TAB2: variants seen among roughly 807,000 people sequenced by gnomAD.
TAB2 encodes TGF-beta activated kinase 1 (MAP3K7) binding protein 2.
In TAB2, 3 loss-of-function variants were observed where a neutral mutation model predicts 65.0. That is an observed-to-expected ratio of 0.05 (90% CI 0.02 to 0.12). The LOEUF (loss-of-function observed/expected upper bound fraction) is 0.12, where lower values mean the gene tolerates loss of function less well. Ranked by LOEUF, TAB2 falls within the 10% of genes least tolerant of loss-of-function variation. The probability of loss-of-function intolerance (pLI) is 1.00; values close to 1 mark genes in which losing one functional copy is unlikely to be tolerated. For missense variants in TAB2, 623 were observed against 840.3 expected (o/e 0.74, Z 3.20); for synonymous variants, 298 against 285.1 (o/e 1.05, Z -0.46).
At chr6:149,290,002 A>C (rs1778747675) in intron 1 of TAB2, among the ~76,000 whole-genome samples, 1 of 152,200 alleles carries the variant, frequency 6.6e-6, no homozygotes, top group South Asian at 2.1e-4. Context: ...GGTCATGATA[A>C]GGGGTTGTGG....
chr6:149,344,549 A>C (rs1270720086), intron 1 of TAB2, among the ~76,000 whole-genome samples: 2 of 152,194 alleles, frequency 1.3e-5, no homozygotes, highest in Non-Finnish European at 2.9e-5. Flanking sequence ...TCCAGTGTGC[A>C]TAGAGAATAG....
chr6:149,263,737 C>CA (rs1452581820), intron 1 of TAB2, among the ~76,000 whole-genome samples: 1 of 152,224 alleles, frequency 6.6e-6, no homozygotes, highest in East Asian at 1.9e-4. Context: ...GAGCCAGGCA[C>CA]ACAATTTCCC....
intron 6 of TAB2, among the ~76,000 whole-genome samples, chr6:149,407,209 A>G (rs879286176): frequency 1.3e-5 from 2 of 152,262 alleles, no homozygotes; most frequent in Non-Finnish European, 2.9e-5. Context: ...TAGAGATGAC[A>G]GCGGTATAAG....
chr6:149,293,772 TAATACAA>T (rs750506597), intron 1 of TAB2, among the ~76,000 whole-genome samples: 6 of 152,214 alleles, frequency 3.9e-5, no homozygotes, highest in Non-Finnish European at 8.8e-5. Context: ...ACTTCACAGA[TAATACAA>T]CCTCATTTAC....
At chr6:149,379,807 T>C in intron 3 of TAB2, 2 of 442,108 alleles carry the variant, frequency 4.5e-6, no homozygotes, top group South Asian at 3.4e-5. Flanking sequence ...TCAGTTAATC[T>C]TATACCTGTG....
intron 1 of TAB2, among the ~76,000 whole-genome samples, chr6:149,304,792 A>G (rs895293620): frequency 2.4e-4 from 36 of 152,152 alleles, no homozygotes; most frequent in African/African-American, 8.4e-4. Flanking sequence ...GTATCCTGGG[A>G]GGATTGGTTC....
At chr6:149,328,296 T>C (rs946295682) in intron 1 of TAB2, among the ~76,000 whole-genome samples, 1 of 152,170 alleles carries the variant, frequency 6.6e-6, no homozygotes, top group Non-Finnish European at 1.5e-5. Flanking sequence ...ATCTCTACAT[T>C]CTGTTTGTTT....
At chr6:149,366,866 C>T (rs187449287) in intron 1 of TAB2, among the ~76,000 whole-genome samples, 95 of 151,954 alleles carry the variant, frequency 6.3e-4, no homozygotes, top group South Asian at 3.1e-3. Flanking sequence ...TAATGAAATA[C>T]GTTGAAATTT....
At chr6:149,409,190 G>A (rs954481626) in intron 6 of TAB2, among the ~76,000 whole-genome samples, 6 of 152,190 alleles carry the variant, frequency 3.9e-5, no homozygotes, top group African/African-American at 1.4e-4. Context: ...TACTACTGCA[G>A]TGGGAAACGA....
At position 149,220,193 on chromosome 6, in the gene TAB2, G is replaced by C. The variant is rs1327232402; in HGVS notation, c.-121+1417G>C. On this transcript the variant is annotated intron_variant, in intron 1 of 1. Transcript: ENST00000606202. The stretch of plus-strand genomic sequence containing the variant: ...CGCTGTCTTGGTTGAAATATGTAAA[G>C]AAAATTCAGCTCTATACAGATATGT... Among the ~76,000 whole-genome samples the C allele has an allele frequency of 1.3e-5, 2 of 152,118 alleles. 1 individual carries two copies. The highest frequency in any genetic ancestry group is 3.9e-4 in the East Asian group (2 of 5,190).
intron 1 of TAB2, among the ~76,000 whole-genome samples, chr6:149,325,751 A>G (rs1416171348): frequency 1.3e-5 from 2 of 152,088 alleles, no homozygotes; most frequent in African/African-American, 4.8e-5. Context: ...TGTTATGTTT[A>G]TGTTTTAAGA....
intron 3 of TAB2, among the ~76,000 whole-genome samples, chr6:149,392,705 A>G (rs924639643): frequency 2.0e-5 from 3 of 152,068 alleles, no homozygotes; most frequent in African/African-American, 7.2e-5. Flanking sequence ...GTTGTGAGTT[A>G]ATTGCCTTCT....
rs147141394 is a variant in TAB2 at position 149,401,998 on chromosome 6, T to TA, written c.1939+2827dup. ...TTTCTAGAGATAAACAATACTACAT[T>TA]AAAAAAAAAAAAAGAAAGATCTCAA... is the stretch of plus-strand genomic sequence containing the variant. On this transcript the variant is annotated intron_variant, in intron 6 of 6. Coordinates refer to ENST00000637181, the MANE Select transcript of TAB2 (RefSeq NM_001292034.3). Among the ~76,000 whole-genome samples the TA allele has an allele frequency of 3.0e-3, 404 of 134,458 alleles. 1 individual carries two copies. The highest frequency in any genetic ancestry group is 0.012 in the Middle Eastern group (3 of 258). The allele number at this position is 134,458 out of a possible 152,430, so 88.2% of individuals were successfully genotyped here.
chr6:149,318,499 G>A (rs1169000598), intron 1 of TAB2: 2 of 150,582 alleles, frequency 1.3e-5, no homozygotes, highest in Non-Finnish European at 3.0e-5. Context: ...GGGCAGTTAT[G>A]TGGGGGTCGG....
intron 1 of TAB2, among the ~76,000 whole-genome samples, chr6:149,304,681 A>G (rs1181766251): frequency 2.0e-5 from 3 of 152,198 alleles, no homozygotes; most frequent in Non-Finnish European, 2.9e-5. Flanking sequence ...TGATTTCTCT[A>G]TGGAAAACAG....
intron 4 of TAB2, 58 bp from the exon 5 acceptor site, chr6:149,397,911 T>C (rs1283467658): frequency 8.2e-6 from 13 of 1,584,128 alleles, no homozygotes; most frequent in Non-Finnish European, 9.5e-6. Flanking sequence ...CTCCATTCTT[T>C]ATTAACTAAT....
intron 1 of TAB2, among the ~76,000 whole-genome samples, chr6:149,298,489 G>A (rs931812283): frequency 9.9e-5 from 15 of 152,124 alleles, no homozygotes; most frequent in South Asian, 6.2e-4. Context: ...TTAACCAGGC[G>A]TGGTAGTGCA....
chr6:149,254,019 AAAG>A (rs1777936404), intron 1 of TAB2, among the ~76,000 whole-genome samples: 1 of 146,280 alleles, frequency 6.8e-6, no homozygotes, highest in African/African-American at 2.5e-5. Flanking sequence ...AGAAAGAAAG[AAAG>A]AAAAGAAAGA....
intron 3 of TAB2, among the ~76,000 whole-genome samples, chr6:149,387,686 ACTTG>A (rs1781848860): frequency 6.6e-6 from 1 of 152,134 alleles, no homozygotes; most frequent in African/African-American, 2.4e-5. Context: ...TTTCCTACAT[ACTTG>A]CTTTTTTAAA....
Sources: allele counts gnomAD v4.1 joint callset (sites outside exome capture counted in the v4.1 genomes callset), GRCh38; gene constraint gnomAD v4.1.1; transcripts MANE v1.5; gene names NCBI Gene and HGNC (gene_info 2026-07-23, HGNC 2026-07-21).